Variants in FANCC observed in about 807,000 individuals in gnomAD.
FANCC encodes Fanconi anemia group C protein.
FANCC carries 55 observed loss-of-function variants against 71.3 expected under a neutral mutation model. The ratio of observed to expected loss-of-function variants is 0.77; its 90% CI spans 0.62 to 0.97. The LOEUF (loss-of-function observed/expected upper bound fraction) is 0.97. Among genes scored for constraint, FANCC ranks in the 50% least tolerant of loss-of-function variants. The pLI is 0.00. For synonymous variants in FANCC, 275 were observed against 244.9 expected (o/e 1.12, Z -1.15); for missense variants, 678 against 670.9 (o/e 1.01, Z -0.12).
rs540450099 is a variant in FANCC at position 95,138,574 on chromosome 9, T to C, written c.687-3072A>G. Among the ~76,000 whole-genome samples the C allele has an allele frequency of 8.5e-5, 13 of 152,348 alleles. No homozygotes were observed. In the South Asian group the frequency reaches 2.1e-3, roughly 24 times the overall value. On this transcript the variant is annotated intron_variant, in intron 7 of 14. Coordinates refer to ENST00000289081, the MANE Select transcript of FANCC (RefSeq NM_000136.3). ...TGCTGGCTTTGACCAGCTTTCCTCA[T>C]GCCTTATCTTTTTTCAGGATCCATG...
At chr9:95,205,869 T>C (rs1267684131) in intron 4 of FANCC, among the ~76,000 whole-genome samples, 1 of 152,114 alleles carries the variant, frequency 6.6e-6, no homozygotes, top group African/African-American at 2.4e-5. Flanking sequence ...TTTCATTTAA[T>C]CAAACAAACA....
rs1192567550 is a variant in FANCC at position 95,099,184 on chromosome 9, GC to G, written c.*2522del. 4.6e-6 allele frequency: 1 copy of G among 216,546 alleles called. No individual in the cohort carries two copies. Among genetic ancestry groups the G allele is most frequent in the African/African-American group, 2.3e-5 (1 of 44,386 alleles). 13.4% of individuals were successfully genotyped at this position (216,546 alleles called of 1,614,324 possible). A position where few individuals can be genotyped will look rare whatever the true frequency, so the allele number is the denominator to read the frequency against. Reference sequence around the variant, plus strand: ...CAGCCTGGTTGGAGGGGCGCTCTCCGCCTCTTCTGTATTTTTGGCTCTCTCT... The same window carrying G: ...CAGCCTGGTTGGAGGGGCGCTCTCCGCTCTTCTGTATTTTTGGCTCTCTCT... On this transcript the variant is annotated 3_prime_UTR_variant, in exon 15 of 15. Coordinates refer to ENST00000289081, the MANE Select transcript of FANCC (RefSeq NM_000136.3).
intron 1 of FANCC, among the ~76,000 whole-genome samples, chr9:95,284,966 A>T (rs1361280243): frequency 1.3e-5 from 2 of 151,916 alleles, no homozygotes; most frequent in African/African-American, 4.8e-5. Context: ...AATAAATCTG[A>T]GCCAAGGAAT....
At chr9:95,223,593 A>G (rs1051484408) in intron 4 of FANCC, among the ~76,000 whole-genome samples, 5 of 152,222 alleles carry the variant, frequency 3.3e-5, no homozygotes, top group African/African-American at 1.2e-4. Context: ...AACATAAGTA[A>G]TACAAGCTAA....
intron 4 of FANCC, among the ~76,000 whole-genome samples, chr9:95,204,322 A>G (rs576848612): frequency 6.6e-6 from 1 of 152,336 alleles, no homozygotes; most frequent in East Asian, 1.9e-4. Context: ...AGCTTCATCT[A>G]TATAGACCCA....
rs2136101018 is a variant in FANCC, at chr9:95,249,190, G to A, written c.102C>T (p.Thr34=). 3.1e-6 allele frequency: 5 copies of A among 1,614,092 alleles called. No individual in the cohort carries two copies. Among genetic ancestry groups the A allele is most frequent in the Non-Finnish European group, 4.2e-6 (5 of 1,179,980 alleles). Residue 34 remains threonine, a synonymous_variant, in exon 2 of 15, where the codon ACC becomes ACT. Coordinates refer to ENST00000289081, the MANE Select transcript of FANCC (RefSeq NM_000136.3). The part of the protein sequence containing the change: ...QASTLETQQD[T]CLHVAQFQEF... ...CCTGGAACTGAGCCACGTGAAGACA[G>A]GTGTCTTGCTGGGTTTCCAAAGTGG... is the stretch of plus-strand genomic sequence containing the variant.
Position 95,293,998 on chromosome 9 carries a change from A to C in FANCC, c.-79+23528T>G, listed in dbSNP as rs1588430181. The C allele has an allele frequency of 6.3e-6, 10 of 1,592,416 alleles. No homozygotes were observed. The East Asian group carries it at 2.2e-4, about 36-fold the overall frequency. On this transcript the variant is annotated intron_variant, in intron 1 of 14. Coordinates refer to ENST00000289081, the MANE Select transcript of FANCC (RefSeq NM_000136.3). ...TTTGTTACCTCAGAATGAGCCTAAGACTTTAAATCAAGAGATTGAGAAATG... is the reference window on the plus strand; with the variant it reads ...TTTGTTACCTCAGAATGAGCCTAAGCCTTTAAATCAAGAGATTGAGAAATG...
chr9:95,232,365 T>C (rs1830058138), intron 4 of FANCC, among the ~76,000 whole-genome samples: 1 of 152,088 alleles, frequency 6.6e-6, no homozygotes, highest in South Asian at 2.1e-4. Context: ...AAACATATAT[T>C]ATGAACTCAC....
At chr9:95,122,244 G>T (rs1268944988) in intron 10 of FANCC, among the ~76,000 whole-genome samples, 2 of 152,090 alleles carry the variant, frequency 1.3e-5, no homozygotes, top group East Asian at 3.9e-4. Context: ...TTAGATATCA[G>T]GTTTACAGAT....
Position 95,117,296 on chromosome 9 carries a change from A to C in FANCC, c.1072+19T>G, listed in dbSNP as rs1190521038. 6.2e-7 allele frequency: 1 copy of C among 1,612,338 alleles called. No individual in the cohort carries two copies. The highest frequency in any genetic ancestry group is 1.7e-5 in the Admixed American group (1 of 59,984). The stretch of plus-strand genomic sequence containing the variant: ...CCCAGGAAATCATTCTGATGTGGGC[A>C]AAGTCAACCCTAACTCACCTTGAGG... On this transcript the variant is annotated intron_variant, in intron 11 of 14. Coordinates refer to ENST00000289081, the MANE Select transcript of FANCC (RefSeq NM_000136.3).
intron 14 of FANCC, 117 bp from the exon 15 acceptor site, chr9:95,101,967 A>C (rs1450209015): frequency 8.4e-7 from 1 of 1,191,210 alleles, no homozygotes; most frequent in Non-Finnish European, 1.2e-6. Flanking sequence ...CAGCATTTCC[A>C]TCAGTTCCAA....
At chr9:95,232,016 C>A (rs1011948990) in intron 4 of FANCC, among the ~76,000 whole-genome samples, 1 of 152,196 alleles carries the variant, frequency 6.6e-6, no homozygotes, top group Non-Finnish European at 1.5e-5. Context: ...AGAGCTTCAA[C>A]TGGCTTGTGG....
chr9:95,185,834 T>C (rs1382610417), intron 4 of FANCC, among the ~76,000 whole-genome samples: 2 of 152,192 alleles, frequency 1.3e-5, no homozygotes, highest in African/African-American at 4.8e-5. Flanking sequence ...ATTACATGGT[T>C]AGGAAGCAAA....
chr9:95,311,962 C>G (rs567754282), intron 1 of FANCC, among the ~76,000 whole-genome samples: 2 of 152,284 alleles, frequency 1.3e-5, no homozygotes, highest in African/African-American at 4.8e-5. Flanking sequence ...AGTACAGTCA[C>G]ATCTAAAGTC....
Position 95,101,081 on chromosome 9 carries a change from A to AGTT in FANCC, c.*623_*625dup. The AGTT allele has an allele frequency of 4.2e-6, 1 of 236,094 alleles. No homozygotes were observed. The highest frequency in any genetic ancestry group is 8.4e-6 in the Non-Finnish European group (1 of 119,754). 14.6% of individuals were successfully genotyped at this position (236,094 alleles called of 1,614,324 possible). A position where few individuals can be genotyped will look rare whatever the true frequency, so the allele number is the denominator to read the frequency against. On this transcript the variant is annotated 3_prime_UTR_variant, in exon 15 of 15. Coordinates refer to ENST00000289081, the MANE Select transcript of FANCC (RefSeq NM_000136.3). ...GATGTCCCAAGGGCCTTTTGGTAGCAGTTAGCATCATTTAGCAAATACAGA... is the reference window on the plus strand; with the variant it reads ...GATGTCCCAAGGGCCTTTTGGTAGCAGTTGTTAGCATCATTTAGCAAATACAGA...
intron 4 of FANCC, among the ~76,000 whole-genome samples, chr9:95,208,134 G>C (rs1395780023): frequency 1.0e-5 from 1 of 98,744 alleles, no homozygotes; most frequent in Non-Finnish European, 1.8e-5. Context: ...TTTTTCTCTA[G>C]TTGCCCAGGC....
intron 7 of FANCC, among the ~76,000 whole-genome samples, chr9:95,147,116 A>G (rs1277586007): frequency 6.6e-6 from 1 of 151,778 alleles, no homozygotes; most frequent in African/African-American, 2.4e-5. Context: ...TCTATTTGAA[A>G]AGTAACATTT....
At chr9:95,293,970 T>C (rs777370009) in intron 1 of FANCC, 456 of 1,586,488 alleles carry the variant, frequency 2.9e-4, no homozygotes, top group Non-Finnish European at 3.7e-4. Context: ...TAGTAACTCA[T>C]AGTTTGTTAC....
At chr9:95,114,501 G>A (rs2072230734) in intron 12 of FANCC, 128 bp downstream of exon 12, 2 of 864,648 alleles carry the variant, frequency 2.3e-6, no homozygotes, top group South Asian at 2.7e-5. Flanking sequence ...CTTCACCATG[G>A]TGCTCACCTG....
Sources: allele counts gnomAD v4.1 joint callset (sites outside exome capture counted in the v4.1 genomes callset), GRCh38; gene constraint gnomAD v4.1.1; transcripts MANE v1.5; gene names NCBI Gene and HGNC (gene_info 2026-07-23, HGNC 2026-07-21).